The following RXRA variants were observed in gnomAD, a reference collection of about 807,000 sequenced individuals.
RXRA encodes the protein retinoid X receptor alpha.
RXRA carries 5 observed loss-of-function variants against 44.5 expected under a neutral mutation model. That is an observed-to-expected ratio of 0.11 (90% CI 0.06 to 0.24). RXRA has a LOEUF of 0.24. Among genes scored for constraint, RXRA ranks in the 10% least tolerant of loss-of-function variants. The pLI, the probability that RXRA is intolerant of heterozygous loss-of-function variation, is 1.00. For synonymous variants in RXRA, 291 were observed against 271.4 expected, an observed-to-expected ratio of 1.07 and a Z score of -0.71; for missense variants, 412 against 646.5, an observed-to-expected ratio of 0.64 and a Z score of 3.93.
intron 1 of RXRA, among the ~76,000 whole-genome samples, chr9:134,353,868 C>A (rs1830251161): frequency 6.6e-6 from 1 of 152,236 alleles, no homozygotes; most frequent in Admixed American, 6.5e-5. Flanking sequence ...TCCACGAGCC[C>A]TGCTGGCGGT....
At chr9:134,415,232 T>G (rs1353184077) in intron 4 of RXRA, among the ~76,000 whole-genome samples, 1 of 152,106 alleles carries the variant, frequency 6.6e-6, no homozygotes, top group East Asian at 1.9e-4. Flanking sequence ...CTGAGAGGCA[T>G]CCACGTGGGG....
intron 1 of RXRA, among the ~76,000 whole-genome samples, chr9:134,369,956 C>G (rs1300996164): frequency 6.6e-6 from 1 of 152,188 alleles, no homozygotes; most frequent in Admixed American, 6.5e-5. Context: ...GAGTCTGCCT[C>G]CTGCCCAGTG....
intron 1 of RXRA, among the ~76,000 whole-genome samples, chr9:134,361,682 C>T (rs1830354219): frequency 6.6e-6 from 1 of 152,204 alleles, no homozygotes; most frequent in Non-Finnish European, 1.5e-5. Context: ...GAACAAGCAC[C>T]TAATGGCTCT....
intron 2 of RXRA, chr9:134,403,890 G>C (rs578136265): frequency 6.6e-6 from 1 of 152,400 alleles, no homozygotes; most frequent in South Asian, 2.1e-4. Flanking sequence ...GACGTTCCCT[G>C]CCCGGCCGCT....
chr9:134,331,370 C>T (rs920605691), intron 1 of RXRA, among the ~76,000 whole-genome samples: 11 of 152,224 alleles, frequency 7.2e-5, no homozygotes, highest in South Asian at 2.1e-4. Flanking sequence ...AAAATTGGCC[C>T]GGCCGCTGTG....
In RXRA at chr9:134,355,948, G is replaced by A. The variant is rs185372450; in HGVS notation, c.28+29289G>A. Among the ~76,000 whole-genome samples, 45 of 151,936 alleles carry A rather than the reference G, an allele frequency of 3.0e-4. No homozygotes were observed. In the East Asian group the frequency reaches 8.2e-3, roughly 28 times the overall value. On this transcript the variant is annotated intron_variant, in intron 1 of 9. Transcript: ENST00000481739. ...GGTGTCAGACAAGCCCTGGGGGAGG[G>A]CAGCTGAGGGGGTGGGGGGCAGCTC...
chr9:134,329,355 C>G (rs781962169), intron 1 of RXRA, among the ~76,000 whole-genome samples: 1 of 152,236 alleles, frequency 6.6e-6, no homozygotes, highest in Non-Finnish European at 1.5e-5. Flanking sequence ...TCTTTTAGCG[C>G]GGGCGCTGCC....
chr9:134,431,893 C>T lies in RXRA; in HGVS notation c.1044-12C>T, dbSNP rs1410606253. ...CTAACTGGGATGGGGTGTCTGCCCT[C>T]CTCCTCTGCAGGGTGCTGACGGAGC... On this transcript the variant is annotated splice_polypyrimidine_tract_variant and intron_variant, in intron 7 of 9. Transcript: ENST00000481739. 2.5e-6 allele frequency: 4 copies of T among 1,607,926 alleles called. No homozygotes were observed. In the South Asian group the frequency reaches 4.4e-5, roughly 18 times the overall value.
intron 4 of RXRA, among the ~76,000 whole-genome samples, chr9:134,409,447 C>T (rs111531644): frequency 8.9e-4 from 136 of 152,332 alleles, no homozygotes; most frequent in African/African-American, 3.2e-3. Context: ...GGGGTGGTCC[C>T]GGGCCAGCTT....
intron 1 of RXRA, among the ~76,000 whole-genome samples, chr9:134,368,911 T>TTG (rs200142850): frequency 2.1e-5 from 2 of 94,396 alleles, no homozygotes; most frequent in African/African-American, 4.2e-5. Context: ...TGTGTGGGGG[T>TTG]TGTGTGTGTG....
intron 1 of RXRA, among the ~76,000 whole-genome samples, chr9:134,393,019 T>G (rs994498813): frequency 4.5e-5 from 4 of 89,864 alleles, no homozygotes; most frequent in Admixed American, 1.2e-4. Flanking sequence ...TTACTTGGCT[T>G]CTTCTTAAAA....
intron 6 of RXRA, 69 bp downstream of exon 6, chr9:134,421,874 CT>C: frequency 6.3e-7 from 1 of 1,581,588 alleles, no homozygotes. Flanking sequence ...ACACTCCCCC[CT>C]CCCGGGATAC....
chr9:134,331,429 A>T (rs1835003998), intron 1 of RXRA, among the ~76,000 whole-genome samples: 1 of 152,158 alleles, frequency 6.6e-6, no homozygotes, highest in Non-Finnish European at 1.5e-5. Context: ...GTGCACGCTC[A>T]CTGTTGCACA....
At chr9:134,357,616 G>C (rs979487236) in intron 1 of RXRA, among the ~76,000 whole-genome samples, 2 of 152,018 alleles carry the variant, frequency 1.3e-5, no homozygotes, top group African/African-American at 4.8e-5. Flanking sequence ...CGAGGCCAAG[G>C]GTTCGGCTGT....
rs1178484906 is a variant in RXRA, at chr9:134,409,055, G to A, written c.546G>A (p.Arg182=). ...RDNKDCLIDK[R]QRNRCQYCRY... ...ACAAGGACTGCCTGATTGACAAGCG[G>A]CAGCGGAACCGGTGCCAGTACTGCC... Residue 182 remains arginine (R), a synonymous_variant, in exon 4 of 10, where the codon CGG becomes CGA. Transcript: ENST00000481739. The A allele has an allele frequency of 1.9e-6, 3 of 1,611,634 alleles. No homozygotes were observed. The highest frequency in any genetic ancestry group is 2.5e-6 in the Non-Finnish European group (3 of 1,179,090).
At chr9:134,434,573 TAGAA>T (rs1831584850) in intron 9 of RXRA, among the ~76,000 whole-genome samples, 1 of 152,180 alleles carries the variant, frequency 6.6e-6, no homozygotes, top group Non-Finnish European at 1.5e-5. Flanking sequence ...CAAGCATGTG[TAGAA>T]TGGATGGCCA....
At chr9:134,373,726 C>T (rs1248436077) in intron 1 of RXRA, among the ~76,000 whole-genome samples, 2 of 152,242 alleles carry the variant, frequency 1.3e-5, no homozygotes, top group African/African-American at 2.4e-5. Context: ...CTTGATGTCT[C>T]CTCCACCTTG....
At chr9:134,379,815 C>T (rs1012804179) in intron 1 of RXRA, 3 of 985,214 alleles carry the variant, frequency 3.0e-6, no homozygotes, top group African/African-American at 1.7e-5. Flanking sequence ...TCTTCCCCAG[C>T]TCCAACCCTG....
In RXRA at chr9:134,358,440, A is replaced by T. The variant is rs899946233; in HGVS notation, c.28+31781A>T. Among the ~76,000 whole-genome samples the T allele has an allele frequency of 2.0e-5, 3 of 152,332 alleles. No homozygotes were observed. The South Asian group carries it at 6.2e-4, about 32-fold the overall frequency. ...AACATATGGGGAACAGCATATGCAAAGGCCCAGAGCTGGGAGAGTTCCGGG... is the reference window on the plus strand; with the variant it reads ...AACATATGGGGAACAGCATATGCAATGGCCCAGAGCTGGGAGAGTTCCGGG... On this transcript the variant is annotated intron_variant, in intron 1 of 9. Coordinates refer to ENST00000481739, the MANE Select transcript of RXRA (RefSeq NM_002957.6).
Sources: allele counts gnomAD v4.1 joint callset (sites outside exome capture counted in the v4.1 genomes callset), GRCh38; gene constraint gnomAD v4.1.1; transcripts MANE v1.5; gene names NCBI Gene and HGNC (gene_info 2026-07-23, HGNC 2026-07-21).